Variants in MYO5A observed in about 807,000 individuals in gnomAD.
MYO5A encodes the protein myosin VA.
In MYO5A, 98 loss-of-function variants were observed where a neutral mutation model predicts 249.7. That is an observed-to-expected ratio of 0.39 (90% confidence interval 0.33 to 0.46). The LOEUF (loss-of-function observed/expected upper bound fraction) is 0.46, where lower values mean the gene tolerates loss of function less well. Ranked by LOEUF, MYO5A falls within the 20% of genes least tolerant of loss-of-function variation. MYO5A has a pLI of 0.98. For missense variants in MYO5A, 1,696 were observed against 2,308.8 expected, an observed-to-expected ratio of 0.73 and a Z score of 5.44; for synonymous variants, 778 against 810.6, an observed-to-expected ratio of 0.96 and a Z score of 0.68.
rs1056424432 is a variant in MYO5A at position 52,471,425 on chromosome 15, G to A, written c.28-38140C>T. Among the ~76,000 whole-genome samples, 24 of 152,006 alleles carry A rather than the reference G, an allele frequency of 1.6e-4. 1 individual carries two copies. Among genetic ancestry groups the A allele is most frequent in the African/African-American group, 5.8e-4 (24 of 41,382 alleles). ...TTGAGACCAGCCTCGGCAACATAGTGAGACTCTGTCTCATTTGAAAAAAGA... is the reference window on the plus strand; with the variant it reads ...TTGAGACCAGCCTCGGCAACATAGTAAGACTCTGTCTCATTTGAAAAAAGA... On this transcript the variant is annotated intron_variant, in intron 1 of 41. Transcript: ENST00000399233.
chr15:52,320,988 G>C (rs112186789), intron 38 of MYO5A, among the ~76,000 whole-genome samples: 8 of 151,364 alleles, frequency 5.3e-5, no homozygotes, highest in Admixed American at 5.3e-4. Flanking sequence ...ACTCCAGCCT[G>C]GGCGACAGAG....
At chr15:52,377,574 CTT>C (rs71130155) in intron 18 of MYO5A, among the ~76,000 whole-genome samples, 4 of 139,876 alleles carry the variant, frequency 2.9e-5, no homozygotes, top group African/African-American at 5.3e-5. Context: ...ACCTGGAATT[CTT>C]TTTTTTTTTT....
At position 52,469,562 on chromosome 15, in the gene MYO5A, G is replaced by A. The variant is rs149579009; in HGVS notation, c.28-36277C>T. Among the ~76,000 whole-genome samples the A allele has an allele frequency of 4.4e-4, 67 of 152,220 alleles. 1 individual carries two copies. The East Asian group carries it at 7.0e-3, about 16-fold the overall frequency. On this transcript the variant is annotated intron_variant, in intron 1 of 41. Coordinates refer to ENST00000399233, the MANE Select transcript of MYO5A (RefSeq NM_001382347.1). Reference sequence around the variant, plus strand: ...CAGAGATAGAGGAGACAGAAGGGGAGGCAGGAGAAACAGGCACACTTAGTG... The same window carrying A: ...CAGAGATAGAGGAGACAGAAGGGGAAGCAGGAGAAACAGGCACACTTAGTG...
intron 8 of MYO5A, among the ~76,000 whole-genome samples, chr15:52,406,991 A>T (rs1412981172): frequency 6.6e-6 from 1 of 152,098 alleles, no homozygotes; most frequent in Non-Finnish European, 1.5e-5. Context: ...TGATGCCCCA[A>T]ATATATATTT....
At chr15:52,519,310 C>T (rs1307103897) in intron 1 of MYO5A, among the ~76,000 whole-genome samples, 3 of 152,018 alleles carry the variant, frequency 2.0e-5, no homozygotes, top group Non-Finnish European at 2.9e-5. Context: ...GTTCATAGCC[C>T]CCAAATTAAG....
At chr15:52,488,588 AC>A (rs2076871107) in intron 1 of MYO5A, among the ~76,000 whole-genome samples, 1 of 152,226 alleles carries the variant, frequency 6.6e-6, no homozygotes, top group Non-Finnish European at 1.5e-5. Flanking sequence ...CTGACATAAC[AC>A]ACATTTGATC....
intron 1 of MYO5A, among the ~76,000 whole-genome samples, chr15:52,440,918 G>A (rs2075772594): frequency 6.6e-6 from 1 of 152,120 alleles, no homozygotes; most frequent in South Asian, 2.1e-4. Flanking sequence ...TTCAGAATCG[G>A]CCATGGCTCA....
At chr15:52,471,045 G>A (rs2076456332) in intron 1 of MYO5A, among the ~76,000 whole-genome samples, 1 of 149,664 alleles carries the variant, frequency 6.7e-6, no homozygotes, top group Admixed American at 6.7e-5. Context: ...AAAAAGGAAA[G>A]GAAAAAGAGT....
chr15:52,444,732 A>C (rs1220252930), intron 1 of MYO5A, among the ~76,000 whole-genome samples: 2 of 152,228 alleles, frequency 1.3e-5, no homozygotes, highest in Non-Finnish European at 2.9e-5. Context: ...TATTAAATGG[A>C]AGTCATATTA....
intron 19 of MYO5A, 69 bp downstream of exon 19, chr15:52,376,278 C>G: frequency 6.9e-7 from 1 of 1,445,606 alleles, no homozygotes. Context: ...GCTATGGTGA[C>G]CAGTCAAAAC....
At position 52,479,061 on chromosome 15, in the gene MYO5A, T is replaced by C. The variant is rs150222533; in HGVS notation, c.28-45776A>G. Among the ~76,000 whole-genome samples, 339 of 152,206 alleles carry C rather than the reference T, an allele frequency of 2.2e-3. 3 individuals carry two copies. Among genetic ancestry groups the C allele is most frequent in the African/African-American group, 7.8e-3 (322 of 41,526 alleles). ...CCCAGGCTGGAGTGCAGTGGCGTGA[T>C]CTCAGCTCACTGTAACCTCTGCCCC... On this transcript the variant is annotated intron_variant, in intron 1 of 41. Transcript: ENST00000399233.
At chr15:52,437,078 A>C (rs751597440) in intron 1 of MYO5A, among the ~76,000 whole-genome samples, 2 of 152,244 alleles carry the variant, frequency 1.3e-5, no homozygotes, top group Non-Finnish European at 2.9e-5. Context: ...TTCTAATGTC[A>C]TATATCAAAC....
At chr15:52,398,988 CA>C (rs59276820) in intron 9 of MYO5A, among the ~76,000 whole-genome samples, 30,427 of 131,442 alleles carry the variant, frequency 0.23, 3,402 homozygotes, top group African/African-American at 0.33. Flanking sequence ...GACTCCGTCT[CA>C]AAAAAAAAAA....
At position 52,391,932 on chromosome 15, in the gene MYO5A, T is replaced by C; in HGVS notation, c.1540A>G (p.Lys514Glu). The C allele has an allele frequency of 6.2e-7, 1 of 1,612,752 alleles. No individual in the cohort carries two copies. Among genetic ancestry groups the C allele is most frequent in the South Asian group, 1.1e-5 (1 of 91,054 alleles). The change falls in exon 12 of 42, where the codon AAG (lysine) becomes GAG (glutamate). Residue 514 changes from lysine (K) to glutamate (E), a missense_variant and splice_region_variant. Lys to Glu is a moderately conservative substitution (Grantham distance 56). Transcript: ENST00000399233. ...GILDLLDEECKMPKGTDDTWA... is the reference protein window; with the variant it reads ...GILDLLDEECEMPKGTDDTWA... The stretch of plus-strand genomic sequence containing the variant: ...GTACCCCAGGAAATCATACTTACCT[T>C]GCATTCCTCATCCAGTAAATCTAGA...
At chr15:52,376,305 G>A (rs180676183) in intron 19 of MYO5A, 42 bp downstream of exon 19, 2 of 1,590,628 alleles carry the variant, frequency 1.3e-6, no homozygotes, top group African/African-American at 1.3e-5. Flanking sequence ...TGGTTGGACA[G>A]TGAATTAGAT....
rs1236723333 is a variant in MYO5A, at chr15:52,312,051, A to G, written c.*1645T>C. 6.6e-6 allele frequency: 1 copy of G among 152,484 alleles called. No homozygotes were observed. Among genetic ancestry groups the G allele is most frequent in the Non-Finnish European group, 1.5e-5 (1 of 68,032 alleles). The allele number at this position is 152,484 out of a possible 1,614,324, so 9.4% of individuals were successfully genotyped here. A position where few individuals can be genotyped will look rare whatever the true frequency, so the allele number is the denominator to read the frequency against. On this transcript the variant is annotated 3_prime_UTR_variant, in exon 42 of 42. Coordinates refer to ENST00000399233, the MANE Select transcript of MYO5A (RefSeq NM_001382347.1). ...TTGTGCAACCTGAAGGATTTATTGT[A>G]TAAGATTCCTAAGAAAAATGGTGAA... is the stretch of plus-strand genomic sequence containing the variant.
intron 1 of MYO5A, among the ~76,000 whole-genome samples, chr15:52,506,257 A>C (rs979292569): frequency 1.3e-5 from 2 of 152,132 alleles, no homozygotes; most frequent in Admixed American, 6.6e-5. Flanking sequence ...AGGCTGAGGC[A>C]GGAGAATGAC....
chr15:52,443,728 A>G (rs2075832319), intron 1 of MYO5A, among the ~76,000 whole-genome samples: 1 of 149,994 alleles, frequency 6.7e-6, no homozygotes. Flanking sequence ...AAAAAAAGTA[A>G]ATCACACTTT....
chr15:52,451,455 G>A (rs921618409), intron 1 of MYO5A, among the ~76,000 whole-genome samples: 2 of 152,090 alleles, frequency 1.3e-5, no homozygotes, highest in African/African-American at 2.4e-5. Context: ...GATGAAAAAT[G>A]GAAAAATGAT....
Sources: allele counts gnomAD v4.1 joint callset (sites outside exome capture counted in the v4.1 genomes callset), GRCh38; gene constraint gnomAD v4.1.1; transcripts MANE v1.5; gene names NCBI Gene and HGNC (gene_info 2026-07-23, HGNC 2026-07-21).